CCDC178: variants seen among roughly 807,000 people sequenced by gnomAD.
The protein encoded by CCDC178 is coiled-coil domain-containing protein 178.
Under a neutral mutation model 117.4 loss-of-function variants are expected in CCDC178, and 126 were observed. The ratio of observed to expected loss-of-function variants is 1.07; its 90% CI spans 0.93 to 1.24. The LOEUF is 1.24. Ranked by LOEUF, CCDC178 falls within the 50% of genes most tolerant of loss-of-function variation. The pLI, the probability that CCDC178 is intolerant of heterozygous loss-of-function variation, is 0.00. For missense variants in CCDC178, 1,030 were observed against 986.9 expected (o/e 1.04, Z -0.59); for synonymous variants, 283 against 313.4 (o/e 0.90, Z 1.02).
chr18:33,308,616 T>C (rs2062291879), intron 11 of CCDC178, among the ~76,000 whole-genome samples: 1 of 152,134 alleles, frequency 6.6e-6, no homozygotes, highest in Admixed American at 6.5e-5. Flanking sequence ...TGGAATGATA[T>C]GTTTTGGCTG....
intron 21 of CCDC178, among the ~76,000 whole-genome samples, chr18:32,978,694 A>T (rs2055077394): frequency 6.6e-6 from 1 of 152,218 alleles, no homozygotes; most frequent in South Asian, 2.1e-4. Flanking sequence ...TGTATTGCAG[A>T]TTCTTGTCGA....
intron 21 of CCDC178, among the ~76,000 whole-genome samples, chr18:33,057,769 C>G (rs9675779): frequency 6.6e-6 from 1 of 152,050 alleles, no homozygotes; most frequent in Non-Finnish European, 1.5e-5. Context: ...GCTGAGATTA[C>G]AGGTGTGAGA....
intron 8 of CCDC178, among the ~76,000 whole-genome samples, chr18:33,348,592 C>T (rs2062927481): frequency 6.6e-6 from 1 of 151,854 alleles, no homozygotes; most frequent in Non-Finnish European, 1.5e-5. Context: ...ACATGGAATA[C>T]TGATTATCAC....
intron 4 of CCDC178, among the ~76,000 whole-genome samples, chr18:33,393,314 G>A (rs58176545): frequency 0.011 from 1,732 of 152,260 alleles, 33 homozygotes; most frequent in African/African-American, 0.039. Flanking sequence ...TGTGTATGGT[G>A]TATTTATAAT....
intron 21 of CCDC178, among the ~76,000 whole-genome samples, chr18:33,030,371 C>T (rs1029556619): frequency 9.2e-5 from 14 of 152,096 alleles, no homozygotes; most frequent in African/African-American, 3.1e-4. Flanking sequence ...ATCTCTTATA[C>T]GTAGGAGTAT....
chr18:33,081,322 A>T (rs1432692164), intron 21 of CCDC178, among the ~76,000 whole-genome samples: 1 of 152,190 alleles, frequency 6.6e-6, no homozygotes, highest in Non-Finnish European at 1.5e-5. Context: ...TGAGTTAGTG[A>T]CACATTATTG....
intron 20 of CCDC178, among the ~76,000 whole-genome samples, chr18:33,116,738 C>T (rs570669567): frequency 8.3e-6 from 1 of 120,712 alleles, no homozygotes; most frequent in South Asian, 2.3e-4. Context: ...AGGGAAGAAC[C>T]CCCTGTCAAA....
At chr18:33,254,451 A>G (rs1175147008) in intron 14 of CCDC178, among the ~76,000 whole-genome samples, 1 of 152,004 alleles carries the variant, frequency 6.6e-6, no homozygotes, top group Non-Finnish European at 1.5e-5. Flanking sequence ...TTGAGCATTG[A>G]TTATATGTCA....
intron 21 of CCDC178, among the ~76,000 whole-genome samples, chr18:33,033,005 T>G (rs1333369441): frequency 6.6e-6 from 1 of 152,072 alleles, no homozygotes; most frequent in East Asian, 1.9e-4. Context: ...CTTAAGTACT[T>G]CACAAGGCTG....
intron 20 of CCDC178, among the ~76,000 whole-genome samples, chr18:33,105,629 A>G (rs1394277435): frequency 6.6e-6 from 1 of 151,692 alleles, no homozygotes; most frequent in Non-Finnish European, 1.5e-5. Flanking sequence ...AACATTTCAC[A>G]ATTCATTTTT....
intron 21 of CCDC178, among the ~76,000 whole-genome samples, chr18:33,085,566 A>T (rs2057367682): frequency 6.6e-6 from 1 of 152,216 alleles, no homozygotes; most frequent in Non-Finnish European, 1.5e-5. Context: ...CCGTCTCAAA[A>T]AAATAAATAA....
intron 21 of CCDC178, among the ~76,000 whole-genome samples, chr18:33,062,676 G>A (rs1428763899): frequency 6.6e-6 from 1 of 152,160 alleles, no homozygotes; most frequent in East Asian, 1.9e-4. Flanking sequence ...TGCAGTCCAT[G>A]TGATGGCATT....
At chr18:33,295,098 T>C (rs1020220048) in intron 11 of CCDC178, among the ~76,000 whole-genome samples, 1 of 152,186 alleles carries the variant, frequency 6.6e-6, no homozygotes, top group Admixed American at 6.5e-5. Flanking sequence ...GAAAGTGTGA[T>C]ATTGGCAGAG....
In CCDC178 at chr18:33,199,141, C is replaced by T. The variant is rs539372946; in HGVS notation, c.2238+12755G>A. Among the ~76,000 whole-genome samples, 342 of 151,864 alleles carry T rather than the reference C, an allele frequency of 2.3e-3. 1 individual carries two copies. The highest frequency in any genetic ancestry group is 4.4e-3 in the Non-Finnish European group (298 of 67,954). On this transcript the variant is annotated intron_variant, in intron 20 of 22. Coordinates refer to ENST00000383096, the MANE Select transcript of CCDC178 (RefSeq NM_001105528.4). ...ATACAACTGTTTGTATTAATTAAACCTGGGTCTGAATTACAGACTGCTACT... is the reference window on the plus strand; with the variant it reads ...ATACAACTGTTTGTATTAATTAAACTTGGGTCTGAATTACAGACTGCTACT...
intron 12 of CCDC178, among the ~76,000 whole-genome samples, chr18:33,289,764 A>C (rs901029403): frequency 6.6e-6 from 1 of 152,222 alleles, no homozygotes; most frequent in Non-Finnish European, 1.5e-5. Context: ...GTAAATTAAT[A>C]ATAAATTATC....
At chr18:33,072,209 T>C (rs1400695063) in intron 21 of CCDC178, among the ~76,000 whole-genome samples, 3 of 152,142 alleles carry the variant, frequency 2.0e-5, no homozygotes, top group Non-Finnish European at 4.4e-5. Flanking sequence ...GCATTTAGAT[T>C]ATATTAATTT....
intron 20 of CCDC178, among the ~76,000 whole-genome samples, chr18:33,097,997 T>A (rs74569643): frequency 3.9e-5 from 6 of 152,214 alleles, no homozygotes; most frequent in Non-Finnish European, 7.4e-5. Flanking sequence ...CTGGGACCTG[T>A]AGAACTGTGG....
chr18:33,393,361 T>C (rs2063588132), intron 4 of CCDC178, among the ~76,000 whole-genome samples: 1 of 152,110 alleles, frequency 6.6e-6, no homozygotes, highest in Non-Finnish European at 1.5e-5. Flanking sequence ...AGTAAAACAA[T>C]TTTTTTATTT....
intron 22 of CCDC178, among the ~76,000 whole-genome samples, chr18:32,942,361 A>G (rs1180755870): frequency 6.6e-6 from 1 of 152,176 alleles, no homozygotes; most frequent in African/African-American, 2.4e-5. Flanking sequence ...CAATCTTCGC[A>G]GCTCTCTAAG....
Sources: gnomAD v4.1 joint callset for allele counts (sites outside exome capture counted in the v4.1 genomes callset) on GRCh38, gnomAD v4.1.1 for gene constraint, MANE v1.5 for transcripts, NCBI Gene and HGNC (gene_info 2026-07-23, HGNC 2026-07-21) for gene names.